The following ENTPD1 variants were observed in gnomAD, a reference collection of about 807,000 sequenced individuals.
ENTPD1 encodes ectonucleoside triphosphate diphosphohydrolase 1.
A neutral mutation model predicts 57.0 loss-of-function variants in ENTPD1; 33 were observed. The observed-to-expected ratio is 0.58, with a 90% CI of 0.44 to 0.77. The LOEUF is 0.77. Among genes scored for constraint, ENTPD1 ranks in the 30% least tolerant of loss-of-function variants. The probability of loss-of-function intolerance (pLI) is 0.00; values close to 1 mark genes in which losing one functional copy is unlikely to be tolerated. For missense variants in ENTPD1, 501 were observed against 603.4 expected, an observed-to-expected ratio of 0.83 and a Z score of 1.78; for synonymous variants, 202 against 218.8, an observed-to-expected ratio of 0.92 and a Z score of 0.68.
At chr10:95,741,803 A>G (rs2098000645) in intron 1 of ENTPD1, among the ~76,000 whole-genome samples, 1 of 152,228 alleles carries the variant, frequency 6.6e-6, no homozygotes, top group Non-Finnish European at 1.5e-5. Context: ...TGAGACAATC[A>G]TCTTAGGTTA....
intron 1 of ENTPD1, among the ~76,000 whole-genome samples, chr10:95,743,086 T>C (rs1049955070): frequency 1.3e-5 from 2 of 152,232 alleles, no homozygotes; most frequent in African/African-American, 4.8e-5. Flanking sequence ...AGATTCCAAA[T>C]TACATTTAAT....
chr10:95,716,347 C>T (rs755230486), intron 1 of ENTPD1, among the ~76,000 whole-genome samples: 8 of 152,142 alleles, frequency 5.3e-5, no homozygotes, highest in Non-Finnish European at 8.8e-5. Flanking sequence ...TGGTTGCGAA[C>T]GGCAGTCCTT....
intron 1 of ENTPD1, among the ~76,000 whole-genome samples, chr10:95,744,994 T>C (rs1365985539): frequency 6.6e-6 from 1 of 152,152 alleles, no homozygotes; most frequent in Non-Finnish European, 1.5e-5. Context: ...TTTTAAAAAA[T>C]TTAAATTTTT....
At chr10:95,787,782 G>A (rs1456558622) in intron 1 of ENTPD1, among the ~76,000 whole-genome samples, 1 of 152,006 alleles carries the variant, frequency 6.6e-6, no homozygotes, top group Non-Finnish European at 1.5e-5. Flanking sequence ...TGCAAAATGG[G>A]ACTAAAACAG....
At chr10:95,785,441 G>C (rs1232483879) in intron 1 of ENTPD1, among the ~76,000 whole-genome samples, 2 of 152,206 alleles carry the variant, frequency 1.3e-5, no homozygotes, top group African/African-American at 4.8e-5. Flanking sequence ...ATGAGATAAT[G>C]CAAGTCCAGC....
Position 95,869,151 on chromosome 10 carries a change from T to A in ENTPD1, c.*2768T>A. ...CTTGGTTCTGCTAACCCTGTTCCTT[T>A]ATGAGGAACCTTTTAAAGATTCCTT... On this transcript the variant is annotated 3_prime_UTR_variant, in exon 10 of 10. Coordinates refer to ENST00000371205, the MANE Select transcript of ENTPD1 (RefSeq NM_001776.6). 1.0e-6 allele frequency: 1 copy of A among 985,252 alleles called. No homozygotes were observed. Among genetic ancestry groups the A allele is most frequent in the Non-Finnish European group, 1.2e-6 (1 of 829,900 alleles). The allele number at this position is 985,252 out of a possible 1,614,324, so 61.0% of individuals were successfully genotyped here.
intron 2 of ENTPD1, among the ~76,000 whole-genome samples, chr10:95,834,821 G>A (rs2098405615): frequency 6.6e-6 from 1 of 151,906 alleles, no homozygotes; most frequent in African/African-American, 2.4e-5. Flanking sequence ...TCCTCTTTCT[G>A]GACCAGCACT....
intron 8 of ENTPD1, among the ~76,000 whole-genome samples, chr10:95,860,957 A>T (rs2098464349): frequency 6.6e-6 from 1 of 152,208 alleles, no homozygotes; most frequent in Admixed American, 6.5e-5. Flanking sequence ...GAAAGGTCAG[A>T]AAAGGGGTCG....
chr10:95,748,124 C>T (rs867914733), intron 1 of ENTPD1, among the ~76,000 whole-genome samples: 5 of 152,162 alleles, frequency 3.3e-5, no homozygotes, highest in East Asian at 1.9e-4. Context: ...CCGCCCACCT[C>T]GGCCTCCCAA....
chr10:95,873,768 G>A lies in ENTPD1; in HGVS notation c.*7385G>A. On this transcript the variant is annotated 3_prime_UTR_variant, in exon 10 of 10. Coordinates refer to ENST00000371205, the MANE Select transcript of ENTPD1 (RefSeq NM_001776.6). ...GACTGGAAACAAAAAGGGTTTAATT[G>A]GACTTACAGTTCCACATGGCTGGGG... 1.1e-6 allele frequency: 1 copy of A among 927,420 alleles called. No homozygotes were observed. The highest frequency in any genetic ancestry group is 1.3e-6 in the Non-Finnish European group (1 of 777,186). The allele number at this position is 927,420 out of a possible 1,614,324, so 57.4% of individuals were successfully genotyped here. A position where few individuals can be genotyped will look rare whatever the true frequency, so the allele number is the denominator to read the frequency against.
chr10:95,817,048 A>T lies in ENTPD1; in HGVS notation c.17-6189A>T, dbSNP rs1589986214. On this transcript the variant is annotated intron_variant, in intron 1 of 9. Transcript: ENST00000371205. Reference sequence around the variant, plus strand: ...CATGAGGAAATGGAGGCTTACAGAGACTAAGCAAAGGTAAGCTTATCTGAA... The same window carrying T: ...CATGAGGAAATGGAGGCTTACAGAGTCTAAGCAAAGGTAAGCTTATCTGAA... 2.0e-5 allele frequency among the ~76,000 whole-genome samples: 3 copies of T among 152,222 alleles called. No individual in the cohort carries two copies. In the South Asian group the frequency reaches 6.2e-4, roughly 32 times the overall value.
chr10:95,791,468 T>C lies in ENTPD1; in HGVS notation c.17-31769T>C, dbSNP rs1589843934. Among the ~76,000 whole-genome samples the C allele has an allele frequency of 6.6e-6, 1 of 152,286 alleles. No individual in the cohort carries two copies. Among genetic ancestry groups the C allele is most frequent in the East Asian group, 1.9e-4 (1 of 5,186 alleles). On this transcript the variant is annotated intron_variant, in intron 1 of 9. Coordinates refer to ENST00000371205, the MANE Select transcript of ENTPD1 (RefSeq NM_001776.6). The surrounding 1 kb of genome is among the most constrained non-coding windows in gnomAD (Gnocchi z 4.1). ...CAAATTTTTAATGAAGTAAACAAAT[T>C]CTAATTTGCTTTGTAGCTTCGAGCT...
At chr10:95,772,503 C>T (rs1589759395) in intron 1 of ENTPD1, among the ~76,000 whole-genome samples, 1 of 152,312 alleles carries the variant, frequency 6.6e-6, no homozygotes, top group East Asian at 1.9e-4. Flanking sequence ...TCTGTTCATC[C>T]ATAAGAAGCA....
At chr10:95,823,971 A>G (rs969519188) in intron 2 of ENTPD1, among the ~76,000 whole-genome samples, 3 of 152,382 alleles carry the variant, frequency 2.0e-5, no homozygotes, top group South Asian at 4.1e-4. Context: ...CTACATTTGA[A>G]CAACTAGTTA....
At chr10:95,722,476 A>G (rs1352232078) in intron 1 of ENTPD1, among the ~76,000 whole-genome samples, 1 of 152,126 alleles carries the variant, frequency 6.6e-6, no homozygotes, top group Non-Finnish European at 1.5e-5. Flanking sequence ...ATAAAAAATG[A>G]TGAGTTCATG....
intron 1 of ENTPD1, among the ~76,000 whole-genome samples, chr10:95,811,298 C>T (rs1421517900): frequency 6.6e-6 from 1 of 152,188 alleles, no homozygotes; most frequent in African/African-American, 2.4e-5. Flanking sequence ...TTGAGTTAAT[C>T]AGGTTGGTGA....
At chr10:95,785,521 G>C (rs2098176005) in intron 1 of ENTPD1, among the ~76,000 whole-genome samples, 1 of 152,196 alleles carries the variant, frequency 6.6e-6, no homozygotes, top group South Asian at 2.1e-4. Context: ...TAAGGTCTCA[G>C]GACACAAGGT....
At chr10:95,844,680 A>G (rs761559522) in intron 5 of ENTPD1, 45 bp downstream of exon 5, 7 of 1,611,336 alleles carry the variant, frequency 4.3e-6, no homozygotes, top group Non-Finnish European at 5.1e-6. Context: ...CTGGAGGCCA[A>G]TGCCATTGCT....
chr10:95,819,250 G>T, intron 1 of ENTPD1, among the ~76,000 whole-genome samples: 1 of 152,190 alleles, frequency 6.6e-6, no homozygotes, highest in East Asian at 1.9e-4. Flanking sequence ...TACAACCTCG[G>T]TGTCCTGGGC....
Sources: gnomAD v4.1 joint callset for allele counts (sites outside exome capture counted in the v4.1 genomes callset) on GRCh38, gnomAD v4.1.1 for gene constraint, Gnocchi (gnomAD v3.1) non-coding constraint, MANE v1.5 for transcripts, NCBI Gene and HGNC (gene_info 2026-07-23, HGNC 2026-07-21) for gene names.